The following MGAT4C variants were observed in gnomAD, a reference collection of about 807,000 sequenced individuals.
The protein encoded by MGAT4C is MGAT4 family member C.
In MGAT4C, 19 loss-of-function variants were observed where a neutral mutation model predicts 40.1. The observed-to-expected ratio is 0.47, with a 90% CI of 0.33 to 0.70. The LOEUF is 0.70. Among genes scored for constraint, MGAT4C ranks in the 30% least tolerant of loss-of-function variants. MGAT4C has a pLI of 0.02. For synonymous variants in MGAT4C, 181 were observed against 187.1 expected, an observed-to-expected ratio of 0.97 and a Z score of 0.27; for missense variants, 491 against 563.2, an observed-to-expected ratio of 0.87 and a Z score of 1.30.
At chr12:86,134,729 G>C (rs1052096593) in intron 1 of MGAT4C, among the ~76,000 whole-genome samples, 3 of 152,036 alleles carry the variant, frequency 2.0e-5, no homozygotes, top group African/African-American at 7.2e-5. Context: ...TCTCTTTCTG[G>C]AGCACTGCTA....
chr12:86,272,657 C>T (rs1001459377), intron 4 of MGAT4C, among the ~76,000 whole-genome samples: 1 of 151,974 alleles, frequency 6.6e-6, no homozygotes, highest in African/African-American at 2.4e-5. Context: ...TGGAAACCAG[C>T]CTGGGTAACA....
chr12:86,639,090 G>A (rs76572332), intron 2 of MGAT4C, among the ~76,000 whole-genome samples: 1 of 151,652 alleles, frequency 6.6e-6, no homozygotes, highest in Admixed American at 6.6e-5. Context: ...TTTATACTCA[G>A]TTTAAATTCC....
At chr12:86,530,345 A>T (rs1232679636) in intron 2 of MGAT4C, among the ~76,000 whole-genome samples, 1 of 151,894 alleles carries the variant, frequency 6.6e-6, no homozygotes, top group African/African-American at 2.4e-5. Flanking sequence ...TATTTCATCT[A>T]TCCCCTAGGA....
intron 1 of MGAT4C, among the ~76,000 whole-genome samples, chr12:86,750,457 C>T (rs1236305424): frequency 1.3e-5 from 2 of 151,804 alleles, no homozygotes; most frequent in African/African-American, 2.4e-5. Flanking sequence ...GACTCACCTC[C>T]AAGGCATTTG....
intron 1 of MGAT4C, among the ~76,000 whole-genome samples, chr12:86,779,474 C>T (rs553007404): frequency 1.3e-5 from 2 of 151,916 alleles, no homozygotes; most frequent in Admixed American, 6.6e-5. Flanking sequence ...TGGTAGTGTA[C>T]GCCTGTAGTC....
chr12:86,786,432 T>C (rs548725042), intron 1 of MGAT4C, among the ~76,000 whole-genome samples: 1 of 152,238 alleles, frequency 6.6e-6, no homozygotes. Context: ...TTTTCTTTTT[T>C]TTGGTTTCAG....
intron 2 of MGAT4C, among the ~76,000 whole-genome samples, chr12:86,492,322 C>A (rs574711104): frequency 1.1e-4 from 16 of 152,066 alleles, no homozygotes; most frequent in African/African-American, 2.4e-4. Flanking sequence ...GAACCAAAAA[C>A]GAGCCCGCAT....
At chr12:86,652,747 G>A (rs1963728720) in intron 2 of MGAT4C, among the ~76,000 whole-genome samples, 1 of 151,896 alleles carries the variant, frequency 6.6e-6, no homozygotes, top group South Asian at 2.1e-4. Context: ...AATGCATAGA[G>A]AGATGAAAAA....
At chr12:86,179,096 G>T (rs1171884302) in intron 1 of MGAT4C, among the ~76,000 whole-genome samples, 1 of 152,166 alleles carries the variant, frequency 6.6e-6, no homozygotes, top group Non-Finnish European at 1.5e-5. Context: ...AGGGACCTAG[G>T]AGGAGGTAAT....
intron 2 of MGAT4C, among the ~76,000 whole-genome samples, chr12:86,522,094 C>T (rs1958804271): frequency 6.6e-6 from 1 of 152,028 alleles, no homozygotes; most frequent in African/African-American, 2.4e-5. Context: ...TGCCCTTTAT[C>T]TCTTTCTGTT....
At chr12:86,041,818 T>C (rs919380851) in intron 2 of MGAT4C, among the ~76,000 whole-genome samples, 3 of 152,186 alleles carry the variant, frequency 2.0e-5, no homozygotes, top group African/African-American at 7.2e-5. Flanking sequence ...GAGAGTTCTG[T>C]AGGTGTCTAT....
At chr12:86,181,651 A>G (rs1339268596) in intron 1 of MGAT4C, among the ~76,000 whole-genome samples, 3 of 152,202 alleles carry the variant, frequency 2.0e-5, no homozygotes, top group Admixed American at 6.5e-5. Context: ...TATGAAAAAC[A>G]TCACTTTTAG....
intron 2 of MGAT4C, among the ~76,000 whole-genome samples, chr12:86,529,490 A>G (rs1399324535): frequency 1.3e-5 from 2 of 151,334 alleles, no homozygotes; most frequent in Non-Finnish European, 3.0e-5. Flanking sequence ...GTGGCAGGCA[A>G]TTTTTTTTTC....
chr12:85,981,346 T>G (rs1884583015), intron 4 of MGAT4C, among the ~76,000 whole-genome samples: 1 of 152,220 alleles, frequency 6.6e-6, no homozygotes, highest in Non-Finnish European at 1.5e-5. Flanking sequence ...ATAACATTTC[T>G]AAGCCACTAT....
At chr12:86,422,285 C>T (rs886746639) in intron 3 of MGAT4C, among the ~76,000 whole-genome samples, 8 of 152,292 alleles carry the variant, frequency 5.3e-5, no homozygotes, top group Middle Eastern at 3.4e-3. Flanking sequence ...ATTCTGTCAG[C>T]AGATATATAG....
At chr12:86,736,364 C>T (rs1950985974) in intron 1 of MGAT4C, among the ~76,000 whole-genome samples, 1 of 151,818 alleles carries the variant, frequency 6.6e-6, no homozygotes, top group African/African-American at 2.4e-5. Context: ...AACCTTACCA[C>T]TTTTCTTTAT....
rs71438915 is a variant in MGAT4C at position 86,401,287 on chromosome 12, G to T, written c.-120+33870C>A. On this transcript the variant is annotated intron_variant, in intron 3 of 7. Coordinates refer to the MGAT4C transcript ENST00000548651. ...GTGTGTGTGTGTGTGTGTGTATGTG[G>T]GTGTGTGTGTGTGTGTATATATATA... 3.0e-3 allele frequency among the ~76,000 whole-genome samples: 444 copies of T among 147,472 alleles called. 3 individuals carry two copies. The highest frequency in any genetic ancestry group is 2.9e-3 in the Non-Finnish European group (196 of 66,606).
In MGAT4C at chr12:86,198,409, C is replaced by T. The variant is rs12310943; in HGVS notation, c.-57+57830G>A. On this transcript the variant is annotated intron_variant, in intron 1 of 4. Coordinates refer to ENST00000611864, the MANE Select transcript of MGAT4C (RefSeq NM_001351288.2). ...TAATCTGTTTGACTTTCTGACATTA[C>T]ATTTGCATTTTTTAGTAACCTCTAC... is the stretch of plus-strand genomic sequence containing the variant. Among the ~76,000 whole-genome samples, 1,322 of 152,210 alleles carry T rather than the reference C, an allele frequency of 8.7e-3. 23 individuals are homozygous for T. The highest frequency in any genetic ancestry group is 0.029 in the African/African-American group (1,199 of 41,524).
chr12:86,289,473 A>G (rs970699661), intron 4 of MGAT4C, among the ~76,000 whole-genome samples: 4 of 152,064 alleles, frequency 2.6e-5, no homozygotes, highest in African/African-American at 9.7e-5. Flanking sequence ...AGGAATAGTA[A>G]TGAATCTGTA....
Sources: gnomAD v4.1 joint callset for allele counts (sites outside exome capture counted in the v4.1 genomes callset) on GRCh38, gnomAD v4.1.1 for gene constraint, MANE v1.5 for transcripts, NCBI Gene and HGNC (gene_info 2026-07-23, HGNC 2026-07-21) for gene names.